PHF24: variants seen among roughly 807,000 people sequenced by gnomAD.
PHF24 encodes PHD finger protein 24, also known as Galpha inhibitory interacting protein.
PHF24 carries 25 observed loss-of-function variants against 42.6 expected under a neutral mutation model. That is an observed-to-expected ratio of 0.59 (90% CI 0.43 to 0.82). The LOEUF is 0.82. Among genes scored for constraint, PHF24 ranks in the 40% least tolerant of loss-of-function variants. The pLI is 0.00. For missense variants in PHF24, 470 were observed against 538.1 expected, an observed-to-expected ratio of 0.87 and a Z score of 1.25; for synonymous variants, 185 against 204.8, an observed-to-expected ratio of 0.90 and a Z score of 0.83.
At chr9:34,892,782 A>T in the PHF24 span, 1 of 577,704 alleles carries the variant, frequency 1.7e-6, no homozygotes, top group Non-Finnish European at 3.1e-6. Context: ...GGGACTTGAG[A>T]TCTCTGTCCT....
chr9:34,961,574 G>C (rs1826589725), intron 1 of PHF24, among the ~76,000 whole-genome samples: 1 of 152,188 alleles, frequency 6.6e-6, no homozygotes, highest in Admixed American at 6.5e-5. Flanking sequence ...TCACTATAAA[G>C]AGTAGGAAAA....
At chr9:34,760,499 T>G in the PHF24 span, among the ~76,000 whole-genome samples, 1 of 152,222 alleles carries the variant, frequency 6.6e-6, no homozygotes, top group African/African-American at 2.4e-5. Context: ...GCACCTTTGT[T>G]AATGCCCAAG....
At chr9:34,947,755 C>A in the PHF24 span, among the ~76,000 whole-genome samples, 106 of 152,072 alleles carry the variant, frequency 7.0e-4, no homozygotes, top group South Asian at 0.017. Flanking sequence ...CTAATGCGTG[C>A]GTGTTCGTGT....
At chr9:34,867,124 C>T in the PHF24 span, among the ~76,000 whole-genome samples, 3 of 152,168 alleles carry the variant, frequency 2.0e-5, no homozygotes, top group African/African-American at 4.8e-5. Flanking sequence ...TTTAAAGCCA[C>T]GGTGCTGACT....
At chr9:34,799,522 A>G in the PHF24 span, among the ~76,000 whole-genome samples, 219 of 152,314 alleles carry the variant, frequency 1.4e-3, 1 homozygote, top group Non-Finnish European at 2.6e-3. Flanking sequence ...CTAATTGTCT[A>G]ACTACTTAGA....
chr9:34,716,672 C>T, the PHF24 span, among the ~76,000 whole-genome samples: 1 of 152,138 alleles, frequency 6.6e-6, no homozygotes. Context: ...TCACAGCAAC[C>T]TCAGCTTCCC....
intron 1 of PHF24, among the ~76,000 whole-genome samples, chr9:34,963,916 C>T (rs960156455): frequency 2.0e-5 from 3 of 152,194 alleles, no homozygotes; most frequent in Non-Finnish European, 2.9e-5. Flanking sequence ...AGAAAAGACA[C>T]TATGATCTTA....
the PHF24 span, among the ~76,000 whole-genome samples, chr9:34,807,140 TC>T: frequency 6.6e-6 from 1 of 152,202 alleles, no homozygotes; most frequent in Non-Finnish European, 1.5e-5. Context: ...GAGACAGCAT[TC>T]AGTCTTTTAC....
chr9:34,980,127 G>A (rs1827339607), exon 8 of PHF24: 1 of 152,222 alleles, frequency 6.6e-6, no homozygotes, highest in Admixed American at 6.5e-5. Context: ...TGGGCTTTGA[G>A]AGCTGAATAG....
At chr9:34,894,608 G>A in the PHF24 span, 11 of 397,606 alleles carry the variant, frequency 2.8e-5, no homozygotes, top group Non-Finnish European at 4.0e-5. Flanking sequence ...AAACCCCAGA[G>A]TCAGAACACT....
the PHF24 span, among the ~76,000 whole-genome samples, chr9:34,785,395 A>G: frequency 4.6e-5 from 7 of 152,240 alleles, no homozygotes; most frequent in Non-Finnish European, 8.8e-5. Flanking sequence ...TTAAGTTGCA[A>G]CACATGAATT....
the PHF24 span, among the ~76,000 whole-genome samples, chr9:34,867,307 T>C: frequency 2.0e-5 from 3 of 152,210 alleles, no homozygotes; most frequent in African/African-American, 7.2e-5. Context: ...TTACACCCCA[T>C]GTAAATCACC....
chr9:34,875,287 T>TTCTTG, the PHF24 span, among the ~76,000 whole-genome samples: 1 of 152,204 alleles, frequency 6.6e-6, no homozygotes, highest in Non-Finnish European at 1.5e-5. Flanking sequence ...CACAATATTC[T>TTCTTG]TCTTGTCTTT....
chr9:34,767,625 G>C, the PHF24 span, among the ~76,000 whole-genome samples: 1 of 152,348 alleles, frequency 6.6e-6, no homozygotes, highest in African/African-American at 2.4e-5. Flanking sequence ...TCTTTGACTA[G>C]GAAAGGGAAC....
the PHF24 span, among the ~76,000 whole-genome samples, chr9:34,735,475 T>C: frequency 6.6e-6 from 1 of 151,378 alleles, no homozygotes; most frequent in Non-Finnish European, 1.5e-5. Context: ...ACAAGGCATA[T>C]GAAAAAGCAA....
chr9:34,756,521 G>A, the PHF24 span, among the ~76,000 whole-genome samples: 2 of 152,124 alleles, frequency 1.3e-5, no homozygotes, highest in Non-Finnish European at 2.9e-5. Flanking sequence ...TCAGTTGGCT[G>A]TAAATTCATG....
At chr9:34,903,421 C>T in the PHF24 span, among the ~76,000 whole-genome samples, 1 of 152,096 alleles carries the variant, frequency 6.6e-6, no homozygotes, top group Non-Finnish European at 1.5e-5. Context: ...AAAAAATTAG[C>T]TGGGCATGGT....
the PHF24 span, among the ~76,000 whole-genome samples, chr9:34,802,362 C>A: frequency 6.6e-6 from 1 of 151,966 alleles, no homozygotes; most frequent in African/African-American, 2.4e-5. Context: ...GTAATGGCCA[C>A]ATGACCCAGG....
the PHF24 span, among the ~76,000 whole-genome samples, chr9:34,838,966 A>G: frequency 6.6e-6 from 1 of 152,176 alleles, no homozygotes; most frequent in Non-Finnish European, 1.5e-5. Context: ...GAGTCTGGTT[A>G]TGGCTTGGAG....
Sources: gnomAD v4.1 joint callset for allele counts (sites outside exome capture counted in the v4.1 genomes callset) on GRCh38, gnomAD v4.1.1 for gene constraint, MANE v1.5 for transcripts, NCBI Gene and HGNC (gene_info 2026-07-23, HGNC 2026-07-21) for gene names.